IMMP2L: variants seen among roughly 807,000 people sequenced by gnomAD.
The protein encoded by IMMP2L is inner mitochondrial membrane peptidase subunit 2.
Under a neutral mutation model 19.3 loss-of-function variants are expected in IMMP2L, and 18 were observed. The observed-to-expected ratio is 0.93, with a 90% confidence interval of 0.64 to 1.38. The LOEUF is 1.38. Ranked by LOEUF, IMMP2L falls within the 40% of genes most tolerant of loss-of-function variation. The pLI is 0.00. For missense variants in IMMP2L, 233 were observed against 218.2 expected (o/e 1.07, Z -0.43); for synonymous variants, 76 against 73.0 (o/e 1.04, Z -0.21).
chr7:111,348,516 C>T (rs1421856853), intron 3 of IMMP2L, among the ~76,000 whole-genome samples: 3 of 152,056 alleles, frequency 2.0e-5, no homozygotes, highest in Non-Finnish European at 4.4e-5. Flanking sequence ...AATACACTTC[C>T]TTCTCCATTT....
intron 4 of IMMP2L, among the ~76,000 whole-genome samples, chr7:110,961,988 T>C (rs1818995895): frequency 6.6e-6 from 1 of 151,874 alleles, no homozygotes. Flanking sequence ...AAAAACTAGA[T>C]TGTTGTGGGG....
At chr7:111,065,460 T>C (rs1432875369) in intron 3 of IMMP2L, among the ~76,000 whole-genome samples, 1 of 152,170 alleles carries the variant, frequency 6.6e-6, no homozygotes, top group Non-Finnish European at 1.5e-5. Flanking sequence ...GAGTGTCAAC[T>C]TGATTGGATT....
intron 3 of IMMP2L, among the ~76,000 whole-genome samples, chr7:111,483,171 CTA>C (rs1296012421): frequency 6.6e-6 from 1 of 152,064 alleles, no homozygotes; most frequent in Non-Finnish European, 1.5e-5. Flanking sequence ...TGGGAACTCT[CTA>C]CACTATTTTT....
intron 3 of IMMP2L, among the ~76,000 whole-genome samples, chr7:111,108,701 A>G (rs1360026347): frequency 1.3e-5 from 2 of 152,150 alleles, no homozygotes; most frequent in East Asian, 3.9e-4. Flanking sequence ...TAAAAAAAAC[A>G]TATTTATTTC....
At chr7:110,879,810 C>G (rs1809461112) in intron 5 of IMMP2L, among the ~76,000 whole-genome samples, 1 of 152,110 alleles carries the variant, frequency 6.6e-6, no homozygotes, top group Admixed American at 6.6e-5. Context: ...TTGACTTAAT[C>G]TGCACTGGTA....
At chr7:111,128,891 G>T (rs1349035534) in intron 3 of IMMP2L, among the ~76,000 whole-genome samples, 1 of 152,128 alleles carries the variant, frequency 6.6e-6, no homozygotes, top group Non-Finnish European at 1.5e-5. Flanking sequence ...CCTGTTATGT[G>T]ACCCCTATTT....
intron 5 of IMMP2L, among the ~76,000 whole-genome samples, chr7:110,696,425 C>CTTTTTTTTT (rs374621101): frequency 8.3e-6 from 1 of 119,856 alleles, no homozygotes; most frequent in Non-Finnish European, 1.7e-5. Context: ...TCCTTTTTCT[C>CTTTTTTTTT]TTTTTTTTTT....
At chr7:110,689,432 T>C (rs760198823) in intron 5 of IMMP2L, among the ~76,000 whole-genome samples, 18 of 152,186 alleles carry the variant, frequency 1.2e-4, no homozygotes, top group Non-Finnish European at 2.4e-4. Flanking sequence ...TCTGTACCTA[T>C]TCCCAGTTTG....
intron 3 of IMMP2L, among the ~76,000 whole-genome samples, chr7:111,338,392 C>T (rs1826673528): frequency 6.6e-6 from 1 of 151,502 alleles, no homozygotes; most frequent in African/African-American, 2.4e-5. Flanking sequence ...AACCATCTAC[C>T]CCCACCCCTG....
At chr7:110,901,452 A>T (rs914095340) in intron 4 of IMMP2L, among the ~76,000 whole-genome samples, 1 of 152,144 alleles carries the variant, frequency 6.6e-6, no homozygotes, top group Non-Finnish European at 1.5e-5. Context: ...AGGATTTCAG[A>T]TATCTTCAGG....
At chr7:111,535,929 G>C (rs942014438) in intron 1 of IMMP2L, among the ~76,000 whole-genome samples, 1 of 152,134 alleles carries the variant, frequency 6.6e-6, no homozygotes, top group Non-Finnish European at 1.5e-5. Context: ...GCAATCTTCA[G>C]AGTAAAGGTT....
chr7:111,101,852 A>T (rs1401552694), intron 3 of IMMP2L, among the ~76,000 whole-genome samples: 1 of 151,480 alleles, frequency 6.6e-6, no homozygotes, highest in Non-Finnish European at 1.5e-5. Context: ...CTAAAAAGGT[A>T]TACCATCCAC....
chr7:111,100,949 A>C (rs1442659947), intron 3 of IMMP2L, among the ~76,000 whole-genome samples: 1 of 151,578 alleles, frequency 6.6e-6, no homozygotes, highest in Non-Finnish European at 1.5e-5. Context: ...ACTTTTAAAT[A>C]TCTTTCTATA....
At chr7:111,038,680 A>G (rs1451261680) in intron 3 of IMMP2L, among the ~76,000 whole-genome samples, 1 of 152,188 alleles carries the variant, frequency 6.6e-6, no homozygotes, top group Non-Finnish European at 1.5e-5. Context: ...AAAAGGGAGT[A>G]CATTGTTTCA....
At chr7:110,715,091 T>C (rs1795151462) in intron 5 of IMMP2L, among the ~76,000 whole-genome samples, 1 of 152,214 alleles carries the variant, frequency 6.6e-6, no homozygotes, top group South Asian at 2.1e-4. Flanking sequence ...GGATGCTTTA[T>C]GTTTCTGTGG....
At chr7:111,009,892 G>A (rs1425199475) in intron 3 of IMMP2L, among the ~76,000 whole-genome samples, 1 of 152,102 alleles carries the variant, frequency 6.6e-6, no homozygotes, top group Non-Finnish European at 1.5e-5. Flanking sequence ...CCTTGTTTGT[G>A]TTCTGTAACA....
intron 3 of IMMP2L, among the ~76,000 whole-genome samples, chr7:111,426,034 G>C (rs1836039788): frequency 6.6e-6 from 1 of 151,094 alleles, no homozygotes; most frequent in South Asian, 2.1e-4. Flanking sequence ...ACACGACAGG[G>C]AGGGCATTTT....
chr7:111,440,332 A>G lies in IMMP2L; in HGVS notation c.239+46906T>C, dbSNP rs886840781. Among the ~76,000 whole-genome samples the G allele has an allele frequency of 3.3e-4, 50 of 151,880 alleles. 1 individual carries two copies. On this transcript the variant is annotated intron_variant, in intron 3 of 5. Coordinates refer to ENST00000405709, the MANE Select transcript of IMMP2L (RefSeq NM_032549.4). ...CTATAGCCTAACAAATGTACTTCTT[A>G]AGTAATAAGACTAGAAAGCCAAAAT...
chr7:111,060,162 A>G (rs114571380), intron 3 of IMMP2L, among the ~76,000 whole-genome samples: 3 of 152,224 alleles, frequency 2.0e-5, no homozygotes, highest in African/African-American at 7.2e-5. Context: ...TTCATTTGCT[A>G]TCAAGATGGG....
Sources: gnomAD v4.1 joint callset for allele counts (sites outside exome capture counted in the v4.1 genomes callset) on GRCh38, gnomAD v4.1.1 for gene constraint, MANE v1.5 for transcripts, NCBI Gene and HGNC (gene_info 2026-07-23, HGNC 2026-07-21) for gene names.